NBEA: variants seen among roughly 807,000 people sequenced by gnomAD.
The protein encoded by NBEA is lysosomal-trafficking regulator 2.
NBEA carries 44 observed loss-of-function variants against 343.4 expected under a neutral mutation model. The ratio of observed to expected loss-of-function variants is 0.13; its 90% CI spans 0.10 to 0.16. The LOEUF is 0.16. Ranked by LOEUF, NBEA falls within the 10% of genes least tolerant of loss-of-function variation. The pLI, the probability that NBEA is intolerant of heterozygous loss-of-function variation, is 1.00. For missense variants in NBEA, 2,555 were observed against 3,631.3 expected (o/e 0.70, Z 7.62); for synonymous variants, 1,175 against 1,238.7 (o/e 0.95, Z 1.08).
chr13:35,662,778 T>C (rs1232740145), intron 55 of NBEA, among the ~76,000 whole-genome samples: 2 of 152,208 alleles, frequency 1.3e-5, no homozygotes, highest in African/African-American at 2.4e-5. Flanking sequence ...ACATTTTTTT[T>C]CTCAATTCCC....
At chr13:35,352,442 T>G in intron 38 of NBEA, 119 bp downstream of exon 38, 1 of 600,034 alleles carries the variant, frequency 1.7e-6, no homozygotes, top group East Asian at 3.6e-5. Flanking sequence ...ATATAAAAAA[T>G]TACTTGAAAA....
intron 18 of NBEA, among the ~76,000 whole-genome samples, chr13:35,151,338 G>A (rs149102679): frequency 0.03 from 4,606 of 152,024 alleles, 108 homozygotes; most frequent in Non-Finnish European, 0.047. Context: ...GAGGTTGGGA[G>A]TTCGAGACCA....
chr13:35,350,341 C>A (rs920587933), intron 37 of NBEA, among the ~76,000 whole-genome samples: 1 of 152,072 alleles, frequency 6.6e-6, no homozygotes, highest in African/African-American at 2.4e-5. Context: ...TATTGATTCC[C>A]TAAGGAGTCC....
At position 35,179,977 on chromosome 13, in the gene NBEA, A is replaced by G. The variant is rs187648925; in HGVS notation, c.4663-2383A>G. Among the ~76,000 whole-genome samples, 248 of 151,902 alleles carry G rather than the reference A, an allele frequency of 1.6e-3. 1 individual carries two copies. The highest frequency in any genetic ancestry group is 5.8e-3 in the African/African-American group (240 of 41,536). On this transcript the variant is annotated intron_variant, in intron 28 of 58. Coordinates refer to ENST00000379939, the MANE Select transcript of NBEA (RefSeq NM_001385012.1). The stretch of plus-strand genomic sequence containing the variant: ...AAAAGCTATAACCCACAATGTATGA[A>G]ATAGTAAATTAGGAATAATTCAGAA...
chr13:35,022,400 A>G (rs1566175051), intron 1 of NBEA, among the ~76,000 whole-genome samples: 1 of 152,082 alleles, frequency 6.6e-6, no homozygotes, highest in Non-Finnish European at 1.5e-5. Context: ...TATTTCTATA[A>G]CACAGGAAAT....
chr13:35,093,707 C>T (rs148727063), intron 10 of NBEA, among the ~76,000 whole-genome samples: 2 of 152,056 alleles, frequency 1.3e-5, no homozygotes, highest in African/African-American at 4.8e-5. Context: ...TAGGAAGTTA[C>T]ATTATTAAAT....
rs151138292 is a variant in NBEA at position 35,327,141 on chromosome 13, G to A, written c.5903+17549G>A. Among the ~76,000 whole-genome samples, 5 of 152,132 alleles carry A rather than the reference G, an allele frequency of 3.3e-5. No individual in the cohort carries two copies. In the East Asian group the frequency reaches 5.8e-4, roughly 18 times the overall value. Reference sequence around the variant, plus strand: ...TAAAAAAGCAGCAGGTGCTGGAGAGGCTGTGGAGAAAAGGGAATGCTTATA... The same window carrying A: ...TAAAAAAGCAGCAGGTGCTGGAGAGACTGTGGAGAAAAGGGAATGCTTATA... On this transcript the variant is annotated intron_variant, in intron 36 of 58. Coordinates refer to ENST00000379939, the MANE Select transcript of NBEA (RefSeq NM_001385012.1).
chr13:35,055,002 T>A (rs1341677271), intron 6 of NBEA, among the ~76,000 whole-genome samples: 3 of 152,164 alleles, frequency 2.0e-5, no homozygotes, highest in Non-Finnish European at 2.9e-5. Flanking sequence ...GTATTTTAGA[T>A]ACCTTGAAAT....
chr13:34,994,452 C>T (rs986170624), intron 1 of NBEA, among the ~76,000 whole-genome samples: 1 of 151,776 alleles, frequency 6.6e-6, no homozygotes, highest in Non-Finnish European at 1.5e-5. Flanking sequence ...AGGAATATTC[C>T]AGCAATTGAG....
At chr13:35,308,635 G>GAT (rs111725966) in intron 35 of NBEA, among the ~76,000 whole-genome samples, 21,830 of 133,918 alleles carry the variant, frequency 0.16, 2,062 homozygotes, top group African/African-American at 0.25. Context: ...CACACACACA[G>GAT]ATATATATAT....
rs542801931 is a variant in NBEA, at chr13:35,381,993, T to C, written c.6179+29670T>C. On this transcript the variant is annotated intron_variant, in intron 38 of 58. Coordinates refer to ENST00000379939, the MANE Select transcript of NBEA (RefSeq NM_001385012.1). ...ATGAAGAATGGAAAACAACAATTAT[T>C]CTCTAGCCATGACAGATATAATAGG... Among the ~76,000 whole-genome samples, 3 of 152,290 alleles carry C rather than the reference T, an allele frequency of 2.0e-5. No individual in the cohort carries two copies. The South Asian group carries it at 6.2e-4, about 32-fold the overall frequency.
intron 32 of NBEA, among the ~76,000 whole-genome samples, chr13:35,209,556 A>T (rs1265712793): frequency 6.6e-6 from 1 of 151,964 alleles, no homozygotes; most frequent in Non-Finnish European, 1.5e-5. Flanking sequence ...AGCTAAATAA[A>T]TCCTTACCCA....
At chr13:35,264,200 A>T (rs118015214) in intron 34 of NBEA, among the ~76,000 whole-genome samples, 1 of 151,972 alleles carries the variant, frequency 6.6e-6, no homozygotes, top group Admixed American at 6.6e-5. Context: ...ATCTACCAAG[A>T]TTGAATCATG....
intron 38 of NBEA, among the ~76,000 whole-genome samples, chr13:35,420,134 C>A (rs1389671355): frequency 6.6e-6 from 1 of 151,930 alleles, no homozygotes; most frequent in Non-Finnish European, 1.5e-5. Context: ...TGCCTTACTG[C>A]ATTGGCTAGA....
chr13:35,223,316 G>A (rs1051942854), intron 33 of NBEA, among the ~76,000 whole-genome samples: 3 of 152,090 alleles, frequency 2.0e-5, no homozygotes, highest in Non-Finnish European at 4.4e-5. Context: ...AGTATTCGTA[G>A]TACAAAGTCA....
intron 39 of NBEA, among the ~76,000 whole-genome samples, chr13:35,437,317 T>C (rs1371112490): frequency 6.6e-6 from 1 of 152,194 alleles, no homozygotes; most frequent in Non-Finnish European, 1.5e-5. Context: ...CAATCAGAAT[T>C]GGATATAATT....
At chr13:35,398,472 A>G (rs1444281057) in intron 38 of NBEA, among the ~76,000 whole-genome samples, 1 of 152,136 alleles carries the variant, frequency 6.6e-6, no homozygotes, top group Non-Finnish European at 1.5e-5. Context: ...TGTTTCTTAA[A>G]TAACAAAATT....
Position 35,655,651 on chromosome 13 carries a change from G to A in NBEA, c.8264G>A (p.Gly2755Asp). The change falls in exon 55 of 59, where the codon GGT (glycine) becomes GAT (aspartate). Residue 2755 changes from glycine to aspartate, a missense_variant. Gly to Asp is a moderately conservative substitution (Grantham distance 94). Transcript: ENST00000379939. ...TTGGCCAGGTCCGAGTCATACATTG[G>A]TGGGGACTGCTACATCGTGTCCGGA... is the stretch of plus-strand genomic sequence containing the variant. ...TCLARSESYI[G>D]GDCYIVSGSR... is the part of the protein sequence containing the mutation. 1 of 1,613,934 alleles carries A rather than the reference G, an allele frequency of 6.2e-7. No homozygotes were observed. Among genetic ancestry groups the A allele is most frequent in the Non-Finnish European group, 8.5e-7 (1 of 1,179,890 alleles).
chr13:35,085,772 A>C (rs1192470478), intron 10 of NBEA, among the ~76,000 whole-genome samples: 1 of 152,164 alleles, frequency 6.6e-6, no homozygotes, highest in Non-Finnish European at 1.5e-5. Flanking sequence ...GTATTCAATT[A>C]GGAAAAGAGA....
Sources: allele counts gnomAD v4.1 joint callset (sites outside exome capture counted in the v4.1 genomes callset), GRCh38; gene constraint gnomAD v4.1.1; transcripts MANE v1.5; gene names NCBI Gene and HGNC (gene_info 2026-07-23, HGNC 2026-07-21).